The following KAZN variants were observed in gnomAD, a reference collection of about 807,000 sequenced individuals.
KAZN encodes the protein kazrin, periplakin interacting protein.
Under a neutral mutation model 87.4 loss-of-function variants are expected in KAZN, and 40 were observed. That is an observed-to-expected ratio of 0.46 (90% CI 0.36 to 0.60). The LOEUF (loss-of-function observed/expected upper bound fraction) is 0.60. KAZN is among the 20% of genes least tolerant of loss of function. The pLI is 0.00. For missense variants in KAZN, 898 were observed against 1,073.9 expected (o/e 0.84, Z 2.29); for synonymous variants, 466 against 458.3 (o/e 1.02, Z -0.22).
intron 2 of KAZN, among the ~76,000 whole-genome samples, chr1:14,254,345 G>T (rs988777535): frequency 1.3e-5 from 2 of 152,180 alleles, no homozygotes; most frequent in African/African-American, 4.8e-5. Flanking sequence ...TCAGAGAGAA[G>T]CTCCCTAGGG....
At chr1:14,313,821 A>G (rs1042910334) in intron 2 of KAZN, among the ~76,000 whole-genome samples, 2 of 152,162 alleles carry the variant, frequency 1.3e-5, no homozygotes, top group African/African-American at 4.8e-5. Context: ...AATCGGCCAC[A>G]TGGGATAGTG....
intron 2 of KAZN, among the ~76,000 whole-genome samples, chr1:14,291,079 T>G (rs1653649076): frequency 6.6e-6 from 1 of 152,150 alleles, no homozygotes; most frequent in South Asian, 2.1e-4. Flanking sequence ...AGCACCTCCC[T>G]GTATGAGGTG....
At chr1:14,449,533 T>G (rs1457283267) in intron 2 of KAZN, among the ~76,000 whole-genome samples, 1 of 152,224 alleles carries the variant, frequency 6.6e-6, no homozygotes, top group Admixed American at 6.5e-5. Flanking sequence ...TTGTCCTAAA[T>G]GAAACTCTAT....
intron 2 of KAZN, among the ~76,000 whole-genome samples, chr1:14,513,433 T>A (rs1357169617): frequency 1.3e-5 from 2 of 152,278 alleles, no homozygotes; most frequent in Non-Finnish European, 2.9e-5. Context: ...TTCATAATCC[T>A]CAATCACAAA....
chr1:14,602,671 C>T (rs1314503480), intron 1 of KAZN, among the ~76,000 whole-genome samples: 6 of 152,180 alleles, frequency 3.9e-5, no homozygotes, highest in African/African-American at 7.2e-5. Flanking sequence ...GTTTTATCAG[C>T]TGATGAATGA....
rs560506094 is a variant in KAZN at position 14,469,972 on chromosome 1, G to A, written c.250-129011G>A. Among the ~76,000 whole-genome samples, 8 of 152,270 alleles carry A rather than the reference G, an allele frequency of 5.3e-5. No individual in the cohort carries two copies. In the South Asian group the frequency reaches 1.5e-3, roughly 28 times the overall value. ...GTCATGGTTGGGAGCCAAATGGATG[G>A]TGTTGCATTGATACAGCGAACACTA... is the stretch of plus-strand genomic sequence containing the variant. On this transcript the variant is annotated intron_variant, in intron 2 of 16. Coordinates refer to the KAZN transcript ENST00000636203.
At chr1:14,850,925 G>T (rs1424786761) in intron 1 of KAZN, among the ~76,000 whole-genome samples, 2 of 152,152 alleles carry the variant, frequency 1.3e-5, no homozygotes, top group Non-Finnish European at 2.9e-5. Context: ...TCTCCATTTG[G>T]GGTGTGGTTC....
chr1:15,087,927 C>T (rs928797328), intron 8 of KAZN, among the ~76,000 whole-genome samples: 5 of 152,204 alleles, frequency 3.3e-5, no homozygotes, highest in African/African-American at 1.2e-4. Context: ...CTATCATCCC[C>T]GTTTTACAGA....
At chr1:14,371,018 A>T (rs989230444) in intron 2 of KAZN, among the ~76,000 whole-genome samples, 1 of 152,170 alleles carries the variant, frequency 6.6e-6, no homozygotes, top group African/African-American at 2.4e-5. Context: ...CATAATGGAC[A>T]CTATTGAACC....
intron 1 of KAZN, among the ~76,000 whole-genome samples, chr1:14,802,083 G>A (rs940422955): frequency 6.6e-6 from 1 of 151,886 alleles, no homozygotes; most frequent in South Asian, 2.1e-4. Flanking sequence ...GAAAGCTTTC[G>A]TCGACTCTCT....
At chr1:14,124,456 C>A (rs1644819218) in intron 1 of KAZN, 1 of 152,368 alleles carries the variant, frequency 6.6e-6, no homozygotes. Flanking sequence ...CTCATCTTAA[C>A]CATAATCCAG....
chr1:13,922,913 G>A (rs955510259), intron 1 of KAZN, among the ~76,000 whole-genome samples: 2 of 152,196 alleles, frequency 1.3e-5, no homozygotes, highest in African/African-American at 2.4e-5. Flanking sequence ...TCAGCACATA[G>A]TAGATGGACA....
chr1:15,077,300 C>T lies in KAZN; in HGVS notation c.1222+11547C>T, dbSNP rs150572100. Among the ~76,000 whole-genome samples, 68 of 152,296 alleles carry T rather than the reference C, an allele frequency of 4.5e-4. No homozygotes were observed. The highest frequency in any genetic ancestry group is 1.6e-3 in the African/African-American group (66 of 41,566). ...TCTGACAGTCCCTGGTCTTCCCCTG[C>T]GTGTGGAGTCCCCGGGCCTGCCTGG... On this transcript the variant is annotated intron_variant, in intron 8 of 14. Transcript: ENST00000376030. This position sits in a 1 kb window ranked among gnomAD's most constrained non-coding sequence, Gnocchi z 4.8.
chr1:14,490,810 C>A (rs1669609583), intron 2 of KAZN, among the ~76,000 whole-genome samples: 1 of 152,102 alleles, frequency 6.6e-6, no homozygotes, highest in African/African-American at 2.4e-5. Flanking sequence ...GAATAAAATT[C>A]ACCTGCCATG....
rs1381268644 is a variant in KAZN at position 15,094,779 on chromosome 1, TCCCAGCC to T, written c.1429-31_1429-25del. ...AGGGCAGGAACCCCGCCGGCAGCTG[TCCCAGCC>T]CCCATATGACACTCCCTCCCGGGGG... On this transcript the variant is annotated intron_variant, in intron 9 of 14. Coordinates refer to ENST00000376030, the MANE Select transcript of KAZN (RefSeq NM_201628.3). The surrounding 1 kb of genome is among the most constrained non-coding windows in gnomAD (Gnocchi z 4.5). 2 of 1,486,016 alleles carry T rather than the reference TCCCAGCC, an allele frequency of 1.3e-6. No homozygotes were observed. The highest frequency in any genetic ancestry group is 1.4e-5 in the African/African-American group (1 of 71,728). 92.1% of individuals were successfully genotyped at this position (1,486,016 alleles called of 1,614,324 possible).
intron 2 of KAZN, among the ~76,000 whole-genome samples, chr1:14,972,615 G>A (rs766514517): frequency 2.0e-5 from 3 of 151,466 alleles, no homozygotes; most frequent in African/African-American, 7.3e-5. Context: ...CCCGAGTTCC[G>A]GCGATTCTCC....
intron 1 of KAZN, among the ~76,000 whole-genome samples, chr1:14,840,973 A>G (rs1045792353): frequency 3.9e-5 from 6 of 152,222 alleles, no homozygotes; most frequent in Admixed American, 3.9e-4. Flanking sequence ...ATAGGTAGAT[A>G]GGGAAATAAT....
intron 1 of KAZN, among the ~76,000 whole-genome samples, chr1:14,879,316 C>A (rs1164441670): frequency 2.0e-5 from 3 of 152,196 alleles, no homozygotes; most frequent in Admixed American, 6.5e-5. Flanking sequence ...GTGAAGCACA[C>A]AGCATATTCC....
At chr1:14,997,335 G>A (rs1307516504) in intron 2 of KAZN, among the ~76,000 whole-genome samples, 1 of 151,760 alleles carries the variant, frequency 6.6e-6, no homozygotes, top group Non-Finnish European at 1.5e-5. Context: ...CCACCTCCCG[G>A]GTTCGAGCGA....
Sources: allele counts gnomAD v4.1 joint callset (sites outside exome capture counted in the v4.1 genomes callset), GRCh38; gene constraint gnomAD v4.1.1; non-coding constraint Gnocchi (gnomAD v3.1); transcripts MANE v1.5; gene names NCBI Gene and HGNC (gene_info 2026-07-23, HGNC 2026-07-21).